Variants in ADGRL2 observed in about 807,000 individuals in gnomAD.
ADGRL2 encodes the protein calcium-independent alpha-latrotoxin receptor 2.
A neutral mutation model predicts 157.4 loss-of-function variants in ADGRL2; 44 were observed. That is an observed-to-expected ratio of 0.28 (90% confidence interval 0.22 to 0.36). ADGRL2 has a LOEUF of 0.36. ADGRL2 is among the 10% of genes least tolerant of loss of function. The probability of loss-of-function intolerance (pLI) is 1.00; values close to 1 mark genes in which losing one functional copy is unlikely to be tolerated. For missense variants in ADGRL2, 1,510 were observed against 1,768.9 expected (o/e 0.85, Z 2.63); for synonymous variants, 585 against 624.7 (o/e 0.94, Z 0.95).
At chr1:81,331,809 A>C (rs1661286461) in intron 1 of ADGRL2, among the ~76,000 whole-genome samples, 1 of 152,162 alleles carries the variant, frequency 6.6e-6, no homozygotes, top group East Asian at 1.9e-4. Context: ...TATGATGTAA[A>C]ATGTAATATC....
intron 1 of ADGRL2, among the ~76,000 whole-genome samples, chr1:81,355,497 TC>T (rs1663216913): frequency 6.6e-6 from 1 of 152,198 alleles, no homozygotes; most frequent in African/African-American, 2.4e-5. Context: ...CAAAAAAGTT[TC>T]TTAATCTATA....
chr1:81,496,966 C>T (rs929413306), intron 2 of ADGRL2, among the ~76,000 whole-genome samples: 1 of 151,996 alleles, frequency 6.6e-6, no homozygotes, highest in Non-Finnish European at 1.5e-5. Flanking sequence ...TTCTACTAAC[C>T]ACTTAAAAAC....
intron 3 of ADGRL2, among the ~76,000 whole-genome samples, chr1:81,929,323 A>G (rs1440159857): frequency 2.0e-5 from 3 of 152,200 alleles, no homozygotes; most frequent in African/African-American, 7.2e-5. Flanking sequence ...ATGCAGTGCC[A>G]TCGGTGACGG....
chr1:81,649,290 C>A (rs1387247800), intron 3 of ADGRL2, among the ~76,000 whole-genome samples: 1 of 152,190 alleles, frequency 6.6e-6, no homozygotes, highest in East Asian at 1.9e-4. Flanking sequence ...GCTTTCCCTG[C>A]AGGAGATCTT....
At position 81,317,601 on chromosome 1, in the gene ADGRL2, G is replaced by A. The variant is rs138049752; in HGVS notation, c.-302+11092G>A. ...AAGATTTGTTGTTGAATAAAGTCAAGTTTGTCTCTAGAAACAGTATAGTAA... is the reference window on the plus strand; with the variant it reads ...AAGATTTGTTGTTGAATAAAGTCAAATTTGTCTCTAGAAACAGTATAGTAA... On this transcript the variant is annotated intron_variant, in intron 1 of 24. Coordinates refer to the ADGRL2 transcript ENST00000370721. Among the ~76,000 whole-genome samples, 7 of 152,268 alleles carry A rather than the reference G, an allele frequency of 4.6e-5. No individual in the cohort carries two copies. In the East Asian group the frequency reaches 7.7e-4, roughly 17 times the overall value.
At chr1:81,518,173 A>C (rs763551690) in intron 2 of ADGRL2, among the ~76,000 whole-genome samples, 3 of 152,268 alleles carry the variant, frequency 2.0e-5, no homozygotes, top group Admixed American at 6.5e-5. Flanking sequence ...AAGAGCAGGA[A>C]GGGCAGCGTG....
intron 3 of ADGRL2, among the ~76,000 whole-genome samples, chr1:81,598,281 C>G (rs2081274528): frequency 1.3e-5 from 2 of 152,096 alleles, no homozygotes; most frequent in African/African-American, 4.8e-5. Context: ...CATGAAGGGA[C>G]TTAGGCTTTT....
At chr1:81,710,626 T>TAA (rs373944276) in intron 1 of ADGRL2, among the ~76,000 whole-genome samples, 74 of 132,496 alleles carry the variant, frequency 5.6e-4, no homozygotes, top group Middle Eastern at 7.7e-3. Flanking sequence ...CTCAAAAAAT[T>TAA]AAAAAAAAAA....
At chr1:81,921,656 A>G (rs2094981882) in intron 3 of ADGRL2, among the ~76,000 whole-genome samples, 1 of 152,226 alleles carries the variant, frequency 6.6e-6, no homozygotes, top group South Asian at 2.1e-4. Flanking sequence ...CGAGCCTTTC[A>G]GACAAGTTAC....
intron 1 of ADGRL2, among the ~76,000 whole-genome samples, chr1:81,709,838 T>G (rs2083864913): frequency 6.6e-6 from 1 of 152,174 alleles, no homozygotes; most frequent in Non-Finnish European, 1.5e-5. Context: ...TTAAAAACTA[T>G]CCTATTCCAA....
At chr1:81,394,878 TTTTTATTTATTTA>T (rs1282705699) in intron 1 of ADGRL2, among the ~76,000 whole-genome samples, 7 of 128,182 alleles carry the variant, frequency 5.5e-5, no homozygotes, top group Non-Finnish European at 6.7e-5. Context: ...TTGTCTCTCT[TTTTTATTTATTTA>T]TTTATTTATT....
intron 1 of ADGRL2, among the ~76,000 whole-genome samples, chr1:81,728,390 C>T (rs1557601386): frequency 6.6e-6 from 1 of 152,174 alleles, no homozygotes; most frequent in Non-Finnish European, 1.5e-5. Flanking sequence ...TACCTCATAA[C>T]ATATTAACAT....
chr1:81,604,850 AG>A (rs2081402060), intron 3 of ADGRL2, among the ~76,000 whole-genome samples: 1 of 152,312 alleles, frequency 6.6e-6, no homozygotes, highest in Admixed American at 6.5e-5. Flanking sequence ...ATAATGAAAA[AG>A]TACCCCTGTT....
At chr1:81,767,689 T>C (rs578150970) in intron 2 of ADGRL2, among the ~76,000 whole-genome samples, 1 of 151,686 alleles carries the variant, frequency 6.6e-6, no homozygotes, top group African/African-American at 2.4e-5. Flanking sequence ...CTGGGCAACA[T>C]GGTGAAACCC....
intron 2 of ADGRL2, among the ~76,000 whole-genome samples, chr1:81,549,300 G>T (rs937129392): frequency 1.7e-4 from 26 of 152,156 alleles, no homozygotes; most frequent in African/African-American, 6.3e-4. Context: ...ATATGGAAAA[G>T]AAACTATTCA....
At chr1:81,393,739 G>A (rs1283037978) in intron 1 of ADGRL2, among the ~76,000 whole-genome samples, 6 of 144,174 alleles carry the variant, frequency 4.2e-5, no homozygotes, top group African/African-American at 1.5e-4. Flanking sequence ...AATAAACAAG[G>A]AATCTACACC....
At chr1:81,664,599 G>C (rs115093104) in intron 3 of ADGRL2, among the ~76,000 whole-genome samples, 2,226 of 152,280 alleles carry the variant, frequency 0.015, 64 homozygotes, top group African/African-American at 0.051. Flanking sequence ...AGAAATTTCT[G>C]TGATTGCCTT....
At chr1:81,383,692 C>A (rs995810166) in intron 1 of ADGRL2, among the ~76,000 whole-genome samples, 2 of 148,442 alleles carry the variant, frequency 1.3e-5, no homozygotes, top group African/African-American at 4.9e-5. Flanking sequence ...GCCGGGTGCA[C>A]GGTGGCTCAC....
rs776115597 is a variant in ADGRL2 at position 81,950,449 on chromosome 1, A to G, written c.1471A>G (p.Met491Val). 13 of 1,613,820 alleles carry G rather than the reference A, an allele frequency of 8.1e-6. 1 individual carries two copies. In the Admixed American group the frequency reaches 2.0e-4, roughly 25 times the overall value. ...GTGGCCTCAGACACAAAGGGGAATG[A>G]TGGTTGAACGACCATGCCCTAAGGG... ...IKWPQTQRGM[M>V]VERPCPKGTR... The change falls in exon 7 of 24, where the codon ATG becomes GTG. Residue 491 changes from methionine to valine, a missense_variant. Met to Val is a conservative substitution (Grantham distance 21). Transcript: ENST00000686636.
Sources: gnomAD v4.1 joint callset for allele counts (sites outside exome capture counted in the v4.1 genomes callset) on GRCh38, gnomAD v4.1.1 for gene constraint, MANE v1.5 for transcripts, NCBI Gene and HGNC (gene_info 2026-07-23, HGNC 2026-07-21) for gene names.